NSF: variants seen among roughly 807,000 people sequenced by gnomAD.
NSF encodes vesicle-fusing ATPase.
NSF carries 14 observed loss-of-function variants against 50.3 expected under a neutral mutation model. The observed-to-expected ratio is 0.28, with a 90% CI of 0.18 to 0.44. NSF has a LOEUF of 0.44. Ranked by LOEUF, NSF falls within the 20% of genes least tolerant of loss-of-function variation. The pLI is 1.00. For synonymous variants in NSF, 109 were observed against 175.7 expected (o/e 0.62, Z 3.00); for missense variants, 218 against 504.3 (o/e 0.43, Z 5.44).
At chr17:46,740,058 A>G (rs1281007556) in intron 17 of NSF, among the ~76,000 whole-genome samples, 1 of 152,170 alleles carries the variant, frequency 6.6e-6, no homozygotes, top group African/African-American at 2.4e-5. Context: ...CACTGTGTCT[A>G]GTGGGTAAGT....
intron 15 of NSF, among the ~76,000 whole-genome samples, chr17:46,726,096 T>C (rs536218097): frequency 5.9e-5 from 9 of 152,364 alleles, no homozygotes; most frequent in Non-Finnish European, 7.3e-5. Flanking sequence ...TTTACCATTA[T>C]GGTCTGATTT....
intron 15 of NSF, chr17:46,721,731 C>T (rs1237579910): frequency 2.2e-5 from 36 of 1,605,160 alleles, no homozygotes; most frequent in South Asian, 1.4e-4. Context: ...TCTAGTTTGA[C>T]GGGGATTCTC....
chr17:46,609,718 A>G (rs1299140367), intron 1 of NSF, among the ~76,000 whole-genome samples: 1 of 148,014 alleles, frequency 6.8e-6, no homozygotes. Flanking sequence ...AGTATCAACA[A>G]TTTAGATAAG....
intron 9 of NSF, among the ~76,000 whole-genome samples, chr17:46,684,469 G>C (rs1037033977): frequency 6.6e-5 from 10 of 152,094 alleles, no homozygotes; most frequent in Non-Finnish European, 1.3e-4. Context: ...TAATGGGATT[G>C]CTGGGTCAAA....
intron 13 of NSF, among the ~76,000 whole-genome samples, chr17:46,707,955 T>C (rs1372798821): frequency 6.7e-6 from 1 of 149,704 alleles, no homozygotes; most frequent in Non-Finnish European, 1.5e-5. Context: ...ATCATTTGGA[T>C]CCGGGAGGTG....
At chr17:46,715,489 C>G (rs184016236) in intron 15 of NSF, among the ~76,000 whole-genome samples, 4 of 152,296 alleles carry the variant, frequency 2.6e-5, no homozygotes, top group African/African-American at 9.6e-5. Context: ...ATCATCTATT[C>G]CTGTGCTTTT....
At chr17:46,609,827 C>CTT (rs147645851) in intron 1 of NSF, among the ~76,000 whole-genome samples, 3,450 of 123,340 alleles carry the variant, frequency 0.028, 87 homozygotes, top group East Asian at 0.28. Context: ...CTCACTGTTT[C>CTT]TTTTTTTTTT....
intron 1 of NSF, among the ~76,000 whole-genome samples, chr17:46,622,285 GTC>G (rs1239101766): frequency 6.9e-6 from 1 of 145,854 alleles, no homozygotes; most frequent in Non-Finnish European, 1.5e-5. Flanking sequence ...GTGAAACCCT[GTC>G]TCTGATGAAA....
chr17:46,712,492 G>T (rs1426579089), intron 14 of NSF, among the ~76,000 whole-genome samples: 1 of 152,206 alleles, frequency 6.6e-6, no homozygotes, highest in Non-Finnish European at 1.5e-5. Flanking sequence ...TGTTTACTAA[G>T]ATTGGGAACA....
rs1213006152 is a variant in NSF at position 46,672,251 on chromosome 17, CTT to C, written c.746-2145_746-2144del. Among the ~76,000 whole-genome samples, 26 of 8,376 alleles carry C rather than the reference CTT, an allele frequency of 3.1e-3. 1 individual carries two copies. Among genetic ancestry groups the C allele is most frequent in the African/African-American group, 0.012 (23 of 1,938 alleles). The allele number at this position is 8,376 out of a possible 152,430, so 5.5% of individuals were successfully genotyped here. ...AGATAAAGAAGCAGAGAGGTGAAGTCTTTTTTTTTTTTTTTTTTTGATATGTG... is the reference window on the plus strand; with the variant it reads ...AGATAAAGAAGCAGAGAGGTGAAGTCTTTTTTTTTTTTTTTTTGATATGTG... On this transcript the variant is annotated intron_variant, in intron 8 of 20. Transcript: ENST00000398238.
chr17:46,610,215 C>T, intron 1 of NSF, among the ~76,000 whole-genome samples: 1 of 95,924 alleles, frequency 1.0e-5, no homozygotes, highest in African/African-American at 4.1e-5. Flanking sequence ...ATTCTCCCTC[C>T]TTGGCCTCCC....
At chr17:46,749,603 C>A (rs376563386) in intron 17 of NSF, among the ~76,000 whole-genome samples, 170 bp from the exon 18 acceptor site, 14 of 152,248 alleles carry the variant, frequency 9.2e-5, no homozygotes, top group African/African-American at 3.4e-4. Flanking sequence ...GTGGTTGGTA[C>A]CTTTTTTCAG....
At chr17:46,612,329 G>A (rs1042828275) in intron 1 of NSF, among the ~76,000 whole-genome samples, 1 of 32,900 alleles carries the variant, frequency 3.0e-5, no homozygotes, top group Non-Finnish European at 5.1e-5. Context: ...AAGTTTTGCA[G>A]TTCCTTAAAA....
intron 17 of NSF, among the ~76,000 whole-genome samples, chr17:46,739,503 C>T (rs551869847): frequency 2.8e-4 from 43 of 151,516 alleles, no homozygotes; most frequent in African/African-American, 8.7e-4. Flanking sequence ...CATGCAACTG[C>T]ACTCCAGCCT....
chr17:46,732,771 C>T (rs2058962666), intron 17 of NSF, among the ~76,000 whole-genome samples: 1 of 152,106 alleles, frequency 6.6e-6, no homozygotes, highest in Admixed American at 6.5e-5. Context: ...AATCAAGTTT[C>T]CCTGTGTTCT....
intron 17 of NSF, among the ~76,000 whole-genome samples, chr17:46,732,173 C>T (rs1412967143): frequency 6.6e-6 from 1 of 152,126 alleles, no homozygotes; most frequent in Non-Finnish European, 1.5e-5. Context: ...AGGAACTATA[C>T]TTATATACAC....
At position 46,713,860 on chromosome 17, in the gene NSF, T is replaced by A. The variant is rs1342057932; in HGVS notation, c.1635T>A (p.Pro545=). The A allele has an allele frequency of 6.2e-7, 1 of 1,611,058 alleles. No homozygotes were observed. Among genetic ancestry groups the A allele is most frequent in the Non-Finnish European group, 8.5e-7 (1 of 1,179,338 alleles). The change falls in exon 15 of 21, where the codon CCT becomes CCA. Residue 545 remains proline (P), a synonymous_variant. Coordinates refer to ENST00000398238, the MANE Select transcript of NSF (RefSeq NM_006178.4). ...PLVSVLLEGP[P]HSGKTALAAK... Reference sequence around the variant, plus strand: ...GCTCATATCTTTATGCAGGCCCTCCTCACAGTGGGAAGACTGCTTTAGCTG... The same window carrying A: ...GCTCATATCTTTATGCAGGCCCTCCACACAGTGGGAAGACTGCTTTAGCTG...
chr17:46,748,387 T>C (rs1228314227), intron 17 of NSF, among the ~76,000 whole-genome samples: 3 of 152,180 alleles, frequency 2.0e-5, no homozygotes, highest in Middle Eastern at 3.2e-3. Flanking sequence ...ACTGGAATTA[T>C]AGGCATGAGC....
At chr17:46,742,956 C>T (rs1360841747) in intron 17 of NSF, among the ~76,000 whole-genome samples, 3 of 152,152 alleles carry the variant, frequency 2.0e-5, no homozygotes, top group Non-Finnish European at 4.4e-5. Flanking sequence ...GACCAAAGGA[C>T]CTCTACCAGG....
Sources: allele counts gnomAD v4.1 joint callset (sites outside exome capture counted in the v4.1 genomes callset), GRCh38; gene constraint gnomAD v4.1.1; transcripts MANE v1.5; gene names NCBI Gene and HGNC (gene_info 2026-07-23, HGNC 2026-07-21).